The following NTAQ1 variants were observed in gnomAD, a reference collection of about 807,000 sequenced individuals.
NTAQ1 encodes N-terminal glutamine amidase 1, also known as protein N-terminal glutamine amidohydrolase.
In NTAQ1, 21 loss-of-function variants were observed where a neutral mutation model predicts 28.2. The observed-to-expected ratio is 0.74, with a 90% CI of 0.53 to 1.07. NTAQ1 has a LOEUF of 1.07. NTAQ1 is among the 50% of genes least tolerant of loss of function. NTAQ1 has a pLI of 0.00. For missense variants in NTAQ1, 264 were observed against 256.6 expected (o/e 1.03, Z -0.20); for synonymous variants, 105 against 90.0 (o/e 1.17, Z -0.94).
chr8:123,435,308 G>A (rs1362061050), intron 3 of NTAQ1: 1 of 195,892 alleles, frequency 5.1e-6, no homozygotes, highest in Non-Finnish European at 9.3e-6. Context: ...GGGAAAAGCT[G>A]TCTTTTTCTT....
At chr8:123,440,178 C>T (rs540400096) in intron 5 of NTAQ1, among the ~76,000 whole-genome samples, 4 of 54,918 alleles carry the variant, frequency 7.3e-5, no homozygotes, top group Admixed American at 2.6e-4. Context: ...TTTTTTGAGA[C>T]GGAGTCTTGC....
At chr8:123,418,404 C>T (rs1714905353) in intron 1 of NTAQ1, among the ~76,000 whole-genome samples, 1 of 150,902 alleles carries the variant, frequency 6.6e-6, no homozygotes, top group African/African-American at 2.4e-5. Context: ...TGAGCTGATG[C>T]CACTGCCCCT....
chr8:123,416,804 C>A lies in NTAQ1; in HGVS notation c.-46C>A. ...AAGCCCGCCCTTTCCTACGTCTGGT[C>A]CAGTCGGTCTTCCTCCGGCCCGGGC... On this transcript the variant is annotated 5_prime_UTR_variant, in exon 1 of 6. Transcript: ENST00000287387. The A allele has an allele frequency of 6.6e-7, 1 of 1,504,286 alleles. No homozygotes were observed. The highest frequency in any genetic ancestry group is 1.3e-5 in the South Asian group (1 of 79,842). 93.2% of individuals were successfully genotyped at this position (1,504,286 alleles called of 1,614,324 possible). A position where few individuals can be genotyped will look rare whatever the true frequency, so the allele number is the denominator to read the frequency against.
At chr8:123,442,339 C>T (rs62519236), downstream of NTAQ1, 55,236 of 151,894 alleles carry the variant, frequency 0.36, 10,146 homozygotes, top group East Asian at 0.56. Context: ...GTGGCTCATG[C>T]GTGTAATCTC....
chr8:123,421,711 C>T lies in NTAQ1; in HGVS notation c.83+4779C>T, dbSNP rs1353208541. On this transcript the variant is annotated intron_variant, in intron 1 of 5. Transcript: ENST00000287387. ...TTTCTTTTCTTTTTTTTTTTTGAGA[C>T]GGAGTCTTGCTCTGTTGCTCAGGCT... Among the ~76,000 whole-genome samples the T allele has an allele frequency of 3.6e-5, 5 of 139,156 alleles. No homozygotes were observed. The South Asian group carries it at 7.0e-4, about 19-fold the overall frequency. The allele number at this position is 139,156 out of a possible 152,430, so 91.3% of individuals were successfully genotyped here. A position where few individuals can be genotyped will look rare whatever the true frequency, so the allele number is the denominator to read the frequency against.
chr8:123,417,039 T>C, intron 1 of NTAQ1, 107 bp downstream of exon 1: 1 of 1,138,636 alleles, frequency 8.8e-7, no homozygotes, highest in Non-Finnish European at 1.2e-6. Context: ...TCCCGGCCTC[T>C]ACCGGCGGGT....
chr8:123,421,441 C>T (rs1813684327), intron 1 of NTAQ1, among the ~76,000 whole-genome samples: 1 of 151,624 alleles, frequency 6.6e-6, no homozygotes, highest in Non-Finnish European at 1.5e-5. Flanking sequence ...TTTTGATTTG[C>T]GTTTCTCTAA....
the NTAQ1 span, among the ~76,000 whole-genome samples, chr8:123,475,217 C>T: frequency 6.6e-6 from 1 of 152,194 alleles, no homozygotes; most frequent in African/African-American, 2.4e-5. Flanking sequence ...AGGTTGGCTC[C>T]TGTATCCTTT....
downstream of NTAQ1, among the ~76,000 whole-genome samples, chr8:123,449,609 A>G (rs537671509): frequency 6.6e-6 from 1 of 152,032 alleles, no homozygotes; most frequent in East Asian, 1.9e-4. Context: ...CAGACAATGA[A>G]CTTCTACAAT....
downstream of NTAQ1, among the ~76,000 whole-genome samples, chr8:123,473,671 T>C (rs1227568404): frequency 6.6e-6 from 1 of 152,238 alleles, no homozygotes; most frequent in Non-Finnish European, 1.5e-5. Flanking sequence ...GTAGCACATA[T>C]ATTCAACATT....
At chr8:123,449,995 A>T (rs1815442519), downstream of NTAQ1, among the ~76,000 whole-genome samples, 1 of 121,454 alleles carries the variant, frequency 8.2e-6, no homozygotes. Context: ...GGGGTCCCAG[A>T]GTCAAGTGGA....
At chr8:123,418,923 T>C (rs1813484497) in intron 1 of NTAQ1, among the ~76,000 whole-genome samples, 1 of 152,166 alleles carries the variant, frequency 6.6e-6, no homozygotes, top group Non-Finnish European at 1.5e-5. Context: ...GTTAGCACCC[T>C]AGCCCTAGTT....
chr8:123,418,304 A>T (rs1463249429), intron 1 of NTAQ1, among the ~76,000 whole-genome samples: 1 of 152,156 alleles, frequency 6.6e-6, no homozygotes, highest in African/African-American at 2.4e-5. Context: ...TACAAAAATT[A>T]GCCAGGTGTG....
At chr8:123,419,096 T>G (rs1813500565) in intron 1 of NTAQ1, among the ~76,000 whole-genome samples, 2 of 6,118 alleles carry the variant, frequency 3.3e-4, no homozygotes, top group African/African-American at 4.0e-4. Context: ...TTTTTTTTTT[T>G]TTTTTTTTTT....
At chr8:123,434,380 A>C (rs1202700123) in intron 3 of NTAQ1, among the ~76,000 whole-genome samples, 1 of 152,172 alleles carries the variant, frequency 6.6e-6, no homozygotes, top group Non-Finnish European at 1.5e-5. Context: ...TAATCCCAGC[A>C]CTTTGGGAGG....
chr8:123,452,665 G>T (rs1027801117), downstream of NTAQ1, among the ~76,000 whole-genome samples: 3 of 152,020 alleles, frequency 2.0e-5, no homozygotes, highest in African/African-American at 7.3e-5. Context: ...ACTTTGGGAG[G>T]CCTAGGCGGG....
At chr8:123,440,534 C>T (rs1586953134) in intron 5 of NTAQ1, among the ~76,000 whole-genome samples, 1 of 140,190 alleles carries the variant, frequency 7.1e-6, no homozygotes, top group African/African-American at 2.7e-5. Flanking sequence ...AAGCCTTGCT[C>T]TGTTGCCCAG....
At chr8:123,457,667 G>A (rs1815687508) in intron 6 of NTAQ1, among the ~76,000 whole-genome samples, 1 of 152,174 alleles carries the variant, frequency 6.6e-6, no homozygotes, top group East Asian at 1.9e-4. Flanking sequence ...AGGGTCACGG[G>A]AGGGAGGGAA....
rs1815072057 is a variant in NTAQ1, at chr8:123,441,568, T to C, written c.*153T>C. The C allele has an allele frequency of 4.4e-6, 3 of 674,764 alleles. No homozygotes were observed. The highest frequency in any genetic ancestry group is 2.6e-4 in the Middle Eastern group (1 of 3,894). 41.8% of individuals were successfully genotyped at this position (674,764 alleles called of 1,614,324 possible). A position where few individuals can be genotyped will look rare whatever the true frequency, so the allele number is the denominator to read the frequency against. ...GTGGAAATCTGAGTGAATACAAATA[T>C]AAATGAACAACATAAAAACTTTTGT... On this transcript the variant is annotated 3_prime_UTR_variant, in exon 6 of 6. Transcript: ENST00000287387.
Sources: allele counts gnomAD v4.1 joint callset (sites outside exome capture counted in the v4.1 genomes callset), GRCh38; gene constraint gnomAD v4.1.1; transcripts MANE v1.5; gene names NCBI Gene and HGNC (gene_info 2026-07-23, HGNC 2026-07-21).